DNAH14: variants seen among roughly 807,000 people sequenced by gnomAD.
The protein encoded by DNAH14 is dynein axonemal heavy chain 14.
Under a neutral mutation model 520.9 loss-of-function variants are expected in DNAH14, and 478 were observed. The observed-to-expected ratio is 0.92, with a 90% confidence interval of 0.85 to 0.99. The LOEUF (loss-of-function observed/expected upper bound fraction) is 0.99, where lower values mean the gene tolerates loss of function less well. Among genes scored for constraint, DNAH14 ranks in the 50% least tolerant of loss-of-function variants. The probability of loss-of-function intolerance (pLI) is 0.00; values close to 1 mark genes in which losing one functional copy is unlikely to be tolerated. For synonymous variants in DNAH14, 1,581 were observed against 1,757.2 expected (o/e 0.90, Z 2.51); for missense variants, 4,831 against 5,234.5 (o/e 0.92, Z 2.38).
chr1:225,000,560 T>C (rs2063688521), intron 8 of DNAH14, among the ~76,000 whole-genome samples: 2 of 150,442 alleles, frequency 1.3e-5, no homozygotes, highest in Non-Finnish European at 3.0e-5. Flanking sequence ...TGAATGAAGG[T>C]TTGTTCTTTT....
intron 3 of DNAH14, among the ~76,000 whole-genome samples, 178 bp downstream of exon 3, chr1:224,955,276 T>TAATC (rs145391930): frequency 0.15 from 22,838 of 152,020 alleles, 3,142 homozygotes; most frequent in African/African-American, 0.36. Context: ...AACGGGAACA[T>TAATC]TAACTACTCA....
intron 42 of DNAH14, among the ~76,000 whole-genome samples, chr1:225,238,434 G>A (rs921481289): frequency 6.6e-6 from 1 of 152,082 alleles, no homozygotes; most frequent in African/African-American, 2.4e-5. Context: ...TTCCTTACCT[G>A]GAGGTATTAC....
chr1:225,189,428 C>A (rs2085136882), intron 37 of DNAH14, among the ~76,000 whole-genome samples: 1 of 133,854 alleles, frequency 7.5e-6, no homozygotes, highest in African/African-American at 2.8e-5. Flanking sequence ...TTTTTTTTTA[C>A]AAGAGTTTGA....
At chr1:225,167,851 G>A (rs1396497382) in intron 35 of DNAH14, 88 bp from the exon 36 acceptor site, 4 of 673,872 alleles carry the variant, frequency 5.9e-6, no homozygotes, top group African/African-American at 3.8e-5. Context: ...GCGGTAATTG[G>A]TACCTAGTTA....
intron 1 of DNAH14, among the ~76,000 whole-genome samples, chr1:224,946,329 A>T (rs1407256005): frequency 6.6e-6 from 1 of 152,144 alleles, no homozygotes; most frequent in Non-Finnish European, 1.5e-5. Context: ...GCCATTTGCT[A>T]AGACTGTTGG....
In DNAH14 at chr1:224,974,009, T is replaced by A. The variant is rs1572164247; in HGVS notation, c.768-82T>A. 24 of 824,992 alleles carry A rather than the reference T, an allele frequency of 2.9e-5. No homozygotes were observed. The East Asian group carries it at 8.1e-4, about 28-fold the overall frequency. The allele number at this position is 824,992 out of a possible 1,614,324, so 51.1% of individuals were successfully genotyped here. A position where few individuals can be genotyped will look rare whatever the true frequency, so the allele number is the denominator to read the frequency against. ...AAATATGTTCTAGAGAATATTCTGG[T>A]ATTACTAAGCTTTTACTAAATTTAT... On this transcript the variant is annotated intron_variant, in intron 7 of 85. Coordinates refer to ENST00000682510, the MANE Select transcript of DNAH14 (RefSeq NM_001367479.1).
chr1:225,257,960 G>A lies in DNAH14; in HGVS notation c.6866G>A (p.Gly2289Glu). 6.5e-7 allele frequency: 1 copy of A among 1,543,794 alleles called. No individual in the cohort carries two copies. Among genetic ancestry groups the A allele is most frequent in the South Asian group, 1.2e-5 (1 of 82,572 alleles). ...AACTTTTTTTAAAATGTTAACTTAG[G>A]AACTTCATTACTAACTAATCTTCAA... ...VPNDQTLIQR[G>E]TSLLTNLQRS... Residue 2289 changes from glycine to glutamate, a missense_variant and splice_region_variant, in exon 45 of 86, where the codon GGA (glycine) becomes GAA (glutamate). Gly to Glu is a moderately conservative substitution (Grantham distance 98, BLOSUM62 -2). Transcript: ENST00000682510.
chr1:225,199,373 G>A (rs530731088), intron 38 of DNAH14, among the ~76,000 whole-genome samples: 71 of 151,820 alleles, frequency 4.7e-4, no homozygotes, highest in African/African-American at 1.7e-3. Context: ...TCTTTCTTCT[G>A]CTAGATTTGG....
intron 44 of DNAH14, among the ~76,000 whole-genome samples, 196 bp from the exon 45 acceptor site, chr1:225,257,764 T>C (rs575688461): frequency 3.7e-4 from 56 of 152,040 alleles, no homozygotes; most frequent in Admixed American, 2.0e-4. Flanking sequence ...CTCGATCTCC[T>C]GAACTCCTGA....
At chr1:225,331,058 C>A (rs2094786205) in intron 64 of DNAH14, among the ~76,000 whole-genome samples, 1 of 152,086 alleles carries the variant, frequency 6.6e-6, no homozygotes, top group African/African-American at 2.4e-5. Flanking sequence ...TTTAAAAATT[C>A]ATTCGGTCCT....
intron 54 of DNAH14, among the ~76,000 whole-genome samples, chr1:225,285,803 G>A (rs1477771577): frequency 6.6e-6 from 1 of 152,160 alleles, no homozygotes; most frequent in African/African-American, 2.4e-5. Flanking sequence ...GCTGCAGTAA[G>A]CTGTGATAGC....
intron 15 of DNAH14, among the ~76,000 whole-genome samples, chr1:225,049,857 T>C (rs2068372235): frequency 6.6e-6 from 1 of 152,140 alleles, no homozygotes; most frequent in African/African-American, 2.4e-5. Flanking sequence ...AGCTAGACTG[T>C]GAACTCTTGA....
intron 1 of DNAH14, among the ~76,000 whole-genome samples, chr1:224,939,020 G>A (rs1224989155): frequency 2.0e-5 from 3 of 152,088 alleles, no homozygotes; most frequent in Admixed American, 2.0e-4. Flanking sequence ...AGTTACCAGA[G>A]GCCGGTAAGG....
chr1:225,333,653 T>G (rs1202848920), intron 66 of DNAH14, 147 bp downstream of exon 66: 1 of 731,708 alleles, frequency 1.4e-6, no homozygotes, highest in Non-Finnish European at 2.2e-6. Flanking sequence ...CAGGCCTCGA[T>G]TTTTTAATTT....
intron 28 of DNAH14, 40 bp downstream of exon 28, chr1:225,141,061 C>T (rs1049421146): frequency 2.7e-6 from 4 of 1,462,092 alleles, no homozygotes; most frequent in Admixed American, 2.4e-5. Context: ...AATAACTTCT[C>T]CCAAATATAT....
At chr1:224,960,043 T>C (rs1170856194) in intron 3 of DNAH14, 110 bp from the exon 4 acceptor site, 14 of 1,096,162 alleles carry the variant, frequency 1.3e-5, no homozygotes, top group Middle Eastern at 3.0e-4. Context: ...TTAACTACCA[T>C]GCTATACTGC....
chr1:225,251,177 C>CTTTTT (rs35025436), intron 43 of DNAH14, among the ~76,000 whole-genome samples: 1 of 145,968 alleles, frequency 6.9e-6, no homozygotes, highest in Admixed American at 6.9e-5. Flanking sequence ...AAACTATAAA[C>CTTTTT]TTTTTTTTTT....
chr1:225,051,945 CAG>C (rs1208026365), intron 17 of DNAH14, 150 bp downstream of exon 17: 4 of 589,058 alleles, frequency 6.8e-6, no homozygotes, highest in Non-Finnish European at 1.1e-5. Context: ...ATATTATACT[CAG>C]AAAATTTTAA....
At chr1:225,264,577 C>T (rs908278619) in intron 47 of DNAH14, among the ~76,000 whole-genome samples, 3 of 152,090 alleles carry the variant, frequency 2.0e-5, no homozygotes, top group Admixed American at 1.3e-4. Context: ...CTGTTTGATG[C>T]TTTTAGACAT....
Sources: gnomAD v4.1 joint callset for allele counts (sites outside exome capture counted in the v4.1 genomes callset) on GRCh38, gnomAD v4.1.1 for gene constraint, MANE v1.5 for transcripts, NCBI Gene and HGNC (gene_info 2026-07-23, HGNC 2026-07-21) for gene names.